UCMA: variants seen among roughly 807,000 people sequenced by gnomAD.
UCMA encodes upper zone of growth plate and cartilage matrix-associated protein.
UCMA carries 21 observed loss-of-function variants against 21.8 expected under a neutral mutation model. The observed-to-expected ratio is 0.97, with a 90% CI of 0.68 to 1.39. The LOEUF (loss-of-function observed/expected upper bound fraction) is 1.39, where lower values mean the gene tolerates loss of function less well. Among genes scored for constraint, UCMA ranks in the 40% most tolerant of loss-of-function variants. UCMA has a pLI of 0.00. For missense variants in UCMA, 193 were observed against 178.9 expected, an observed-to-expected ratio of 1.08 and a Z score of -0.45; for synonymous variants, 76 against 67.9, an observed-to-expected ratio of 1.12 and a Z score of -0.58.
intron 4 of UCMA, 34 bp from the exon 5 acceptor site, chr10:13,222,234 AG>A (rs755178935): frequency 6.3e-7 from 1 of 1,599,546 alleles, no homozygotes; most frequent in Non-Finnish European, 8.5e-7. Context: ...CTGTTAGGAC[AG>A]GGGGACTCTG....
chr10:13,229,842 A>G, intron 3 of UCMA, 133 bp from the exon 4 acceptor site: 1 of 653,662 alleles, frequency 1.5e-6, no homozygotes, highest in Non-Finnish European at 2.6e-6. Flanking sequence ...TTGTGATTGG[A>G]GACTTCCCTG....
chr10:13,222,235 G>A (rs1289900740), intron 4 of UCMA, 35 bp from the exon 5 acceptor site: 1 of 1,597,576 alleles, frequency 6.3e-7, no homozygotes, highest in African/African-American at 1.3e-5. Flanking sequence ...TGTTAGGACA[G>A]GGGGACTCTG....
chr10:13,229,938 C>T (rs1397583638), intron 3 of UCMA, among the ~76,000 whole-genome samples: 1 of 152,094 alleles, frequency 6.6e-6, no homozygotes, highest in African/African-American at 2.4e-5. Flanking sequence ...AAGATAGAGG[C>T]CCCAGAGAGT....
At chr10:13,229,502 T>C in intron 4 of UCMA, 109 bp downstream of exon 4, 1 of 968,036 alleles carries the variant, frequency 1.0e-6, no homozygotes, top group Non-Finnish European at 1.5e-6. Context: ...CAAGACTTCG[T>C]CTCAAAAAAA....
rs1433520556 is a variant in UCMA, at chr10:13,229,594, G to A, written c.319+17C>T. 3 of 1,609,544 alleles carry A rather than the reference G, an allele frequency of 1.9e-6. No individual in the cohort carries two copies. The African/African-American group carries it at 4.0e-5, about 22-fold the overall frequency. ...AACGCTCCACCTCCCTGAAGACACT[G>A]GCTGAAGAGCTCTTACCATCGTTTT... On this transcript the variant is annotated intron_variant, in intron 4 of 4. Coordinates refer to ENST00000378681, the MANE Select transcript of UCMA (RefSeq NM_145314.3).
At chr10:13,232,061 T>G (rs1834905577) in intron 3 of UCMA, among the ~76,000 whole-genome samples, 1 of 152,122 alleles carries the variant, frequency 6.6e-6, no homozygotes, top group Middle Eastern at 3.2e-3. Context: ...GTGTAGCTCA[T>G]TGTTTGGAGT....
At chr10:13,229,824 G>T (rs1834875971) in intron 3 of UCMA, 115 bp from the exon 4 acceptor site, 1 of 777,694 alleles carries the variant, frequency 1.3e-6, no homozygotes, top group Non-Finnish European at 2.1e-6. Context: ...TGAGTGGTTT[G>T]TGGGGGATTG....
At chr10:13,231,698 G>C (rs1157190297) in intron 3 of UCMA, among the ~76,000 whole-genome samples, 1 of 152,220 alleles carries the variant, frequency 6.6e-6, no homozygotes, top group African/African-American at 2.4e-5. Flanking sequence ...GGACAAGATA[G>C]TAATTTTATA....
At chr10:13,232,431 C>G (rs1439691406) in intron 3 of UCMA, among the ~76,000 whole-genome samples, 1 of 150,574 alleles carries the variant, frequency 6.6e-6, no homozygotes, top group Admixed American at 6.6e-5. Context: ...TAAAATCATG[C>G]CTGTTTCCCC....
rs774114596 is a variant in UCMA, at chr10:13,222,145, G to A, written c.375C>T (p.Asp125=). 25 of 1,614,044 alleles carry A rather than the reference G, an allele frequency of 1.5e-5. No homozygotes were observed. Among genetic ancestry groups the A allele is most frequent in the African/African-American group, 4.0e-5 (3 of 74,924 alleles). ...AVEQWRQWHY[D]GLHPSYLYNR... The stretch of plus-strand genomic sequence containing the variant: ...TGTAGAGATAGGATGGGTGCAGGCC[G>A]TCATAGTGCCACTGGCGCCACTGCT... The change falls in exon 5 of 5, where the codon GAC becomes GAT. Residue 125 remains aspartate, a synonymous_variant. Coordinates refer to ENST00000378681, the MANE Select transcript of UCMA (RefSeq NM_145314.3).
At chr10:13,227,831 C>T (rs1834844556) in intron 4 of UCMA, among the ~76,000 whole-genome samples, 1 of 148,684 alleles carries the variant, frequency 6.7e-6, no homozygotes, top group Admixed American at 6.8e-5. Flanking sequence ...AGGATGTTTG[C>T]TGTGGGTGAC....
At chr10:13,225,060 T>C (rs1050865626) in intron 4 of UCMA, among the ~76,000 whole-genome samples, 2 of 151,890 alleles carry the variant, frequency 1.3e-5, no homozygotes, top group African/African-American at 2.4e-5. Context: ...CATCCCTTTT[T>C]TTGTTGTTTT....
rs528185100 is a variant in UCMA, at chr10:13,229,228, G to A, written c.319+383C>T. On this transcript the variant is annotated intron_variant, in intron 4 of 4. Transcript: ENST00000378681. ...TGGGATTACAGGCATGAGCGACTGC[G>A]CCCGGCCCTCCCTTCTTTTCAAGGC... Among the ~76,000 whole-genome samples, 13 of 152,176 alleles carry A rather than the reference G, an allele frequency of 8.5e-5. No homozygotes were observed. In the East Asian group the frequency reaches 2.5e-3, roughly 29 times the overall value.
intron 3 of UCMA, among the ~76,000 whole-genome samples, chr10:13,230,171 G>T (rs1051029310): frequency 3.9e-5 from 6 of 152,182 alleles, no homozygotes; most frequent in Non-Finnish European, 1.5e-5. Context: ...AGCCAGATAC[G>T]GTGGCTCACG....
intron 1 of UCMA, 53 bp downstream of exon 1, chr10:13,234,146 TAA>T: frequency 1.3e-6 from 2 of 1,541,110 alleles, no homozygotes; most frequent in Non-Finnish European, 1.8e-6. Flanking sequence ...CTGTGCATGG[TAA>T]GTCTCCCTTA....
intron 4 of UCMA, among the ~76,000 whole-genome samples, chr10:13,222,590 C>T (rs954173947): frequency 1.3e-5 from 2 of 152,186 alleles, no homozygotes; most frequent in Non-Finnish European, 2.9e-5. Context: ...AAATAAGGGA[C>T]TACAAACCAT....
At chr10:13,222,348 G>A in intron 4 of UCMA, 148 bp from the exon 5 acceptor site, 1 of 693,160 alleles carries the variant, frequency 1.4e-6, no homozygotes, top group South Asian at 1.8e-5. Flanking sequence ...GGACTGGTGA[G>A]GATCCAGAGT....
intron 1 of UCMA, 131 bp downstream of exon 1, chr10:13,234,070 A>G (rs1193043878): frequency 2.6e-6 from 2 of 763,146 alleles, no homozygotes; most frequent in African/African-American, 1.8e-5. Flanking sequence ...TGCACACGAC[A>G]CACACATACA....
chr10:13,224,520 G>A (rs914981471), intron 4 of UCMA, among the ~76,000 whole-genome samples: 3 of 152,106 alleles, frequency 2.0e-5, no homozygotes, highest in African/African-American at 7.2e-5. Context: ...TTGGAAGGAT[G>A]GGAAATCCTA....
Sources: allele counts gnomAD v4.1 joint callset (sites outside exome capture counted in the v4.1 genomes callset), GRCh38; gene constraint gnomAD v4.1.1; transcripts MANE v1.5; gene names NCBI Gene and HGNC (gene_info 2026-07-23, HGNC 2026-07-21).